Variants in RIOK1 observed in about 807,000 individuals in gnomAD.
RIOK1 encodes the protein RIO kinase 1.
A neutral mutation model predicts 73.5 loss-of-function variants in RIOK1; 66 were observed. The ratio of observed to expected loss-of-function variants is 0.90; its 90% CI spans 0.74 to 1.10. The LOEUF is 1.10. Among genes scored for constraint, RIOK1 ranks in the 50% least tolerant of loss-of-function variants. RIOK1 has a pLI of 0.00. For missense variants in RIOK1, 658 were observed against 699.8 expected, an observed-to-expected ratio of 0.94 and a Z score of 0.67; for synonymous variants, 224 against 226.8, an observed-to-expected ratio of 0.99 and a Z score of 0.11.
At chr6:7,416,276 G>A (rs1021297157) in intron 16 of RIOK1, among the ~76,000 whole-genome samples, 5 of 152,166 alleles carry the variant, frequency 3.3e-5, no homozygotes, top group Non-Finnish European at 7.3e-5. Flanking sequence ...TTAGAATATG[G>A]AACTTGTAAA....
At chr6:7,390,385 A>T (rs541797195) in intron 1 of RIOK1, among the ~76,000 whole-genome samples, 1 of 152,312 alleles carries the variant, frequency 6.6e-6, no homozygotes, top group African/African-American at 2.4e-5. Flanking sequence ...GCGTTCAACA[A>T]ATACTTACTA....
intron 1 of RIOK1, among the ~76,000 whole-genome samples, chr6:7,391,826 G>C (rs928174255): frequency 6.6e-6 from 1 of 152,202 alleles, no homozygotes; most frequent in African/African-American, 2.4e-5. Flanking sequence ...ACTTTAACAT[G>C]CCACTCTAGG....
intron 12 of RIOK1, 27 bp from the exon 13 acceptor site, chr6:7,410,359 G>T (rs747898469): frequency 2.6e-6 from 4 of 1,561,312 alleles, no homozygotes; most frequent in South Asian, 1.1e-5. Flanking sequence ...GAATATAAAA[G>T]AAAGTCATTT....
At chr6:7,394,397 G>T (rs1001041874) in intron 2 of RIOK1, among the ~76,000 whole-genome samples, 6 of 152,226 alleles carry the variant, frequency 3.9e-5, no homozygotes, top group Non-Finnish European at 7.3e-5. Flanking sequence ...TCACACCACT[G>T]CACTCCAGCC....
At chr6:7,398,321 A>AG (rs1761528847) in intron 4 of RIOK1, among the ~76,000 whole-genome samples, 1 of 152,122 alleles carries the variant, frequency 6.6e-6, no homozygotes, top group African/African-American at 2.4e-5. Flanking sequence ...TAAAAAAAAA[A>AG]AAGAAGACAA....
At chr6:7,407,778 G>A (rs765714519) in intron 12 of RIOK1, among the ~76,000 whole-genome samples, 1 of 152,090 alleles carries the variant, frequency 6.6e-6, no homozygotes, top group Non-Finnish European at 1.5e-5. Flanking sequence ...GCAGGCATGA[G>A]CCACAGTGTC....
intron 16 of RIOK1, 61 bp downstream of exon 16, chr6:7,414,451 C>A: frequency 6.9e-7 from 1 of 1,441,556 alleles, no homozygotes; most frequent in Non-Finnish European, 9.4e-7. Context: ...TCTTATTTCT[C>A]TTTGCTCAAG....
chr6:7,414,462 G>T, intron 16 of RIOK1, 72 bp downstream of exon 16: 1 of 1,333,088 alleles, frequency 7.5e-7, no homozygotes, highest in Non-Finnish European at 1.0e-6. Context: ...TTTGCTCAAG[G>T]ATCTAGCTAG....
In RIOK1 at chr6:7,414,406, C is replaced by G. The variant is rs767788584; in HGVS notation, c.1596+16C>G. The G allele has an allele frequency of 6.3e-7, 1 of 1,592,860 alleles. No individual in the cohort carries two copies. The highest frequency in any genetic ancestry group is 1.2e-5 in the South Asian group (1 of 86,878). On this transcript the variant is annotated intron_variant, in intron 16 of 16. Transcript: ENST00000379834. ...TGATAAAAAAGTAAGCAATGAAATA[C>G]CTTCCCCTTTTCTTTAGTGTGGGAG... is the stretch of plus-strand genomic sequence containing the variant.
rs1218276091 is a variant in RIOK1, at chr6:7,389,930, CG to C, written c.-71del. 4.1e-6 allele frequency: 5 copies of C among 1,215,874 alleles called. No homozygotes were observed. The highest frequency in any genetic ancestry group is 5.8e-6 in the Non-Finnish European group (5 of 861,140). 75.3% of individuals were successfully genotyped at this position (1,215,874 alleles called of 1,614,324 possible). A position where few individuals can be genotyped will look rare whatever the true frequency, so the allele number is the denominator to read the frequency against. On this transcript the variant is annotated 5_prime_UTR_variant, in exon 1 of 17. An upstream open reading frame in the 5' UTR loses its in-frame stop. Coordinates refer to ENST00000379834, the MANE Select transcript of RIOK1 (RefSeq NM_031480.3). ...GATATCCACGCCAAGGCCTTTGGAT[CG>C]GCCGTGGGTACATCCGTCTGAGCCG... is the stretch of plus-strand genomic sequence containing the variant.
At chr6:7,413,776 G>C (rs772700109) in intron 15 of RIOK1, among the ~76,000 whole-genome samples, 3 of 152,158 alleles carry the variant, frequency 2.0e-5, no homozygotes, top group Non-Finnish European at 4.4e-5. Context: ...GACAACTGCT[G>C]AATTTCAGGA....
intron 12 of RIOK1, among the ~76,000 whole-genome samples, chr6:7,407,876 A>G (rs1461549670): frequency 6.6e-6 from 1 of 152,060 alleles, no homozygotes; most frequent in Non-Finnish European, 1.5e-5. Context: ...TGATTTGCAA[A>G]TGTTTATTCC....
intron 6 of RIOK1, among the ~76,000 whole-genome samples, chr6:7,402,378 G>T (rs1011336554): frequency 6.6e-6 from 1 of 152,202 alleles, no homozygotes; most frequent in Non-Finnish European, 1.5e-5. Context: ...TCACCTGTCA[G>T]TAACTAAAAC....
intron 1 of RIOK1, among the ~76,000 whole-genome samples, chr6:7,391,142 A>G (rs1003133167): frequency 9.9e-5 from 15 of 152,222 alleles, no homozygotes; most frequent in Admixed American, 6.5e-5. Flanking sequence ...TTATGTTTAC[A>G]GTAAGGATTC....
At chr6:7,412,457 C>T (rs1013323661) in intron 14 of RIOK1, among the ~76,000 whole-genome samples, 1 of 151,854 alleles carries the variant, frequency 6.6e-6, no homozygotes, top group African/African-American at 2.4e-5. Flanking sequence ...GAGTTCGAGA[C>T]CAGCCTGGCC....
chr6:7,417,964 T>C lies in RIOK1; in HGVS notation c.*523T>C, dbSNP rs1173684401. 2 of 152,286 alleles carry C rather than the reference T, an allele frequency of 1.3e-5. No individual in the cohort carries two copies. The highest frequency in any genetic ancestry group is 2.9e-5 in the Non-Finnish European group (2 of 68,058). 9.4% of individuals were successfully genotyped at this position (152,286 alleles called of 1,614,324 possible). Reference sequence around the variant, plus strand: ...TGTGTGTATTGGCGATCATTTGTAATGCTCTTACACTTCGTCTTTAATGTT... The same window carrying C: ...TGTGTGTATTGGCGATCATTTGTAACGCTCTTACACTTCGTCTTTAATGTT... On this transcript the variant is annotated 3_prime_UTR_variant, in exon 17 of 17. Transcript: ENST00000379834.
intron 2 of RIOK1, 131 bp downstream of exon 2, chr6:7,393,434 C>A: frequency 1.4e-6 from 1 of 699,914 alleles, no homozygotes; most frequent in Non-Finnish European, 2.4e-6. Flanking sequence ...GTAGCCTCAG[C>A]CTTTACTGAT....
intron 6 of RIOK1, among the ~76,000 whole-genome samples, chr6:7,402,313 G>T (rs577412668): frequency 6.6e-6 from 1 of 152,252 alleles, no homozygotes; most frequent in Admixed American, 6.5e-5. Flanking sequence ...CATAGAAAAA[G>T]TACAGTAAAA....
At chr6:7,404,751 G>T (rs1761701621) in intron 10 of RIOK1, among the ~76,000 whole-genome samples, 167 bp from the exon 11 acceptor site, 1 of 152,154 alleles carries the variant, frequency 6.6e-6, no homozygotes, top group South Asian at 2.1e-4. Context: ...ACAGTGAATG[G>T]ATTTTGGAAA....
Sources: gnomAD v4.1 joint callset for allele counts (sites outside exome capture counted in the v4.1 genomes callset) on GRCh38, gnomAD v4.1.1 for gene constraint, MANE v1.5 for transcripts, NCBI Gene and HGNC (gene_info 2026-07-23, HGNC 2026-07-21) for gene names.